The following VIT variants were observed in gnomAD, a reference collection of about 807,000 sequenced individuals.
VIT encodes vitrin.
A neutral mutation model predicts 78.0 loss-of-function variants in VIT; 99 were observed. The ratio of observed to expected loss-of-function variants is 1.27; its 90% CI spans 1.08 to 1.50. The LOEUF (loss-of-function observed/expected upper bound fraction) is 1.50, where lower values mean the gene tolerates loss of function less well. Ranked by LOEUF, VIT falls within the 40% of genes most tolerant of loss-of-function variation. The pLI is 0.00. For synonymous variants in VIT, 374 were observed against 334.3 expected, an observed-to-expected ratio of 1.12 and a Z score of -1.29; for missense variants, 1,126 against 875.3, an observed-to-expected ratio of 1.29 and a Z score of -3.61.
chr2:36,743,033 AACAGTGTCACCCC>A, intron 3 of VIT, 54 bp from the exon 4 acceptor site: 1 of 1,592,230 alleles, frequency 6.3e-7, no homozygotes, highest in Non-Finnish European at 8.6e-7. Flanking sequence ...GTTGAGACCT[AACAGTGTCACCCC>A]ACAGATAAAC....
At chr2:36,796,255 A>G (rs1665894090) in intron 12 of VIT, among the ~76,000 whole-genome samples, 1 of 152,246 alleles carries the variant, frequency 6.6e-6, no homozygotes, top group Non-Finnish European at 1.5e-5. Context: ...CATATAATTA[A>G]CTATTTGTAA....
At chr2:36,711,181 G>A (rs1193404902) in intron 1 of VIT, among the ~76,000 whole-genome samples, 3 of 152,152 alleles carry the variant, frequency 2.0e-5, no homozygotes, top group Admixed American at 6.5e-5. Flanking sequence ...CTGGTCACCA[G>A]TGCTGAACAT....
At chr2:36,801,586 T>C (rs921155464) in intron 13 of VIT, among the ~76,000 whole-genome samples, 182 bp downstream of exon 13, 3 of 152,130 alleles carry the variant, frequency 2.0e-5, no homozygotes, top group Non-Finnish European at 4.4e-5. Flanking sequence ...AGCTAGCAGA[T>C]CACTTGAGGT....
At position 36,773,782 on chromosome 2, in the gene VIT, T is replaced by C. The variant is rs1399587882; in HGVS notation, c.680-9T>C. On this transcript the variant is annotated splice_polypyrimidine_tract_variant and intron_variant, in intron 7 of 15. Transcript: ENST00000379242. ...AATTCATGCTCTGACCAGTCAAATGTCCTTACAGATCTCTGGTCCACTGCC... is the reference window on the plus strand; with the variant it reads ...AATTCATGCTCTGACCAGTCAAATGCCCTTACAGATCTCTGGTCCACTGCC... 6.9e-6 allele frequency: 11 copies of C among 1,585,350 alleles called. No homozygotes were observed. Among genetic ancestry groups the C allele is most frequent in the Non-Finnish European group, 9.5e-6 (11 of 1,163,886 alleles).
chr2:36,785,722 G>C (rs1260102536), intron 11 of VIT, among the ~76,000 whole-genome samples: 1 of 152,186 alleles, frequency 6.6e-6, no homozygotes, highest in Non-Finnish European at 1.5e-5. Flanking sequence ...CCTGATTCTA[G>C]ATGGAGTGAA....
intron 15 of VIT, among the ~76,000 whole-genome samples, chr2:36,813,501 C>G (rs1226103847): frequency 6.6e-6 from 1 of 152,092 alleles, no homozygotes; most frequent in Non-Finnish European, 1.5e-5. Flanking sequence ...TCTTACATGA[C>G]TGCCCTGTAG....
At chr2:36,699,788 A>G (rs934760162) in intron 1 of VIT, among the ~76,000 whole-genome samples, 1 of 152,194 alleles carries the variant, frequency 6.6e-6, no homozygotes, top group Admixed American at 6.5e-5. Flanking sequence ...AAGAATGTCA[A>G]ATGCCTTAAT....
chr2:36,751,809 T>C (rs781000114), intron 4 of VIT, among the ~76,000 whole-genome samples: 1 of 152,090 alleles, frequency 6.6e-6, no homozygotes, highest in African/African-American at 2.4e-5. Context: ...ACTGATATAG[T>C]GGAAAATCTA....
At chr2:36,800,063 A>G (rs1252047548) in intron 12 of VIT, among the ~76,000 whole-genome samples, 1 of 150,480 alleles carries the variant, frequency 6.6e-6, no homozygotes, top group Admixed American at 6.6e-5. Flanking sequence ...AAAAAAAAAA[A>G]TGGCCGGGCA....
Position 36,809,106 on chromosome 2 carries a change from G to A in VIT, c.1903+121G>A, listed in dbSNP as rs575917341. On this transcript the variant is annotated intron_variant, in intron 15 of 15. Transcript: ENST00000379242. ...GTTTTTTCTGCGACTTAATAAAAAT[G>A]TTCAAAGCCGCAGGGAGGGCATTAG... 1,892 of 1,354,558 alleles carry A rather than the reference G, an allele frequency of 1.4e-3. 6 individuals are homozygous for A. The highest frequency in any genetic ancestry group is 2.9e-3 in the Middle Eastern group (13 of 4,462). 83.9% of individuals were successfully genotyped at this position (1,354,558 alleles called of 1,614,324 possible). A position where few individuals can be genotyped will look rare whatever the true frequency, so the allele number is the denominator to read the frequency against.
intron 3 of VIT, among the ~76,000 whole-genome samples, chr2:36,734,848 A>G (rs1283829740): frequency 1.3e-5 from 2 of 151,862 alleles, no homozygotes; most frequent in Admixed American, 1.3e-4. Flanking sequence ...GGCCCTTTGG[A>G]CCAAGAAGGT....
intron 3 of VIT, among the ~76,000 whole-genome samples, chr2:36,738,944 G>A (rs140813729): frequency 2.6e-5 from 4 of 152,264 alleles, no homozygotes; most frequent in African/African-American, 9.6e-5. Flanking sequence ...CTTTGCAAAA[G>A]AGGGTGCTTC....
intron 4 of VIT, among the ~76,000 whole-genome samples, chr2:36,748,736 G>A (rs1668283946): frequency 6.6e-6 from 1 of 152,194 alleles, no homozygotes; most frequent in Non-Finnish European, 1.5e-5. Context: ...GTCAGGTCCT[G>A]TTCAGGACTG....
At chr2:36,812,534 A>G (rs1179190631) in intron 15 of VIT, among the ~76,000 whole-genome samples, 1 of 152,040 alleles carries the variant, frequency 6.6e-6, no homozygotes, top group African/African-American at 2.4e-5. Context: ...CTTATCTCTG[A>G]ATCCCATCCT....
At chr2:36,728,967 T>C (rs1004913835) in intron 2 of VIT, among the ~76,000 whole-genome samples, 1 of 152,112 alleles carries the variant, frequency 6.6e-6, no homozygotes, top group Non-Finnish European at 1.5e-5. Context: ...CAGAGCAACT[T>C]CCAGTCCCGC....
intron 3 of VIT, among the ~76,000 whole-genome samples, chr2:36,735,960 G>A (rs1667486938): frequency 6.6e-6 from 1 of 152,174 alleles, no homozygotes; most frequent in Admixed American, 6.5e-5. Context: ...AATGCAATGG[G>A]AAGAAACGTA....
At chr2:36,753,312 G>A (rs551018692) in intron 4 of VIT, among the ~76,000 whole-genome samples, 4 of 152,084 alleles carry the variant, frequency 2.6e-5, no homozygotes, top group Admixed American at 2.6e-4. Flanking sequence ...ACCATGGCAC[G>A]TGCTTACTTA....
chr2:36,773,118 A>C (rs1036775194), intron 7 of VIT, among the ~76,000 whole-genome samples: 3 of 152,236 alleles, frequency 2.0e-5, no homozygotes, highest in Admixed American at 6.5e-5. Context: ...ACGCAGCTTA[A>C]GCAAATTGCT....
rs900046969 is a variant in VIT at position 36,805,639 on chromosome 2, T to C, written c.1364T>C (p.Val455Ala). 2 of 1,613,908 alleles carry C rather than the reference T, an allele frequency of 1.2e-6. No homozygotes were observed. Among genetic ancestry groups the C allele is most frequent in the Non-Finnish European group, 8.5e-7 (1 of 1,179,942 alleles). The stretch of plus-strand genomic sequence containing the variant: ...GCTGCTGAAAATGAGAAGCAGTATG[T>C]GGTGGAGCCCAACTTTGCAAACAAG... ...EGAAENEKQY[V>A]VEPNFANKAV... The change falls in exon 14 of 16, where the codon GTG becomes GCG. Residue 455 changes from valine (V) to alanine (A), a missense_variant. Coordinates refer to ENST00000379242, the MANE Select transcript of VIT (RefSeq NM_053276.4).
Sources: gnomAD v4.1 joint callset for allele counts (sites outside exome capture counted in the v4.1 genomes callset) on GRCh38, gnomAD v4.1.1 for gene constraint, MANE v1.5 for transcripts, NCBI Gene and HGNC (gene_info 2026-07-23, HGNC 2026-07-21) for gene names.